Variants in BRD4 observed in about 807,000 individuals in gnomAD.
BRD4 encodes the protein bromodomain containing 4.
Under a neutral mutation model 142.1 loss-of-function variants are expected in BRD4, and 16 were observed. That is an observed-to-expected ratio of 0.11 (90% CI 0.08 to 0.17). The LOEUF is 0.17. Among genes scored for constraint, BRD4 ranks in the 10% least tolerant of loss-of-function variants. BRD4 has a pLI of 1.00. For missense variants in BRD4, 1,424 were observed against 1,810.9 expected, an observed-to-expected ratio of 0.79 and a Z score of 3.88; for synonymous variants, 833 against 707.5, an observed-to-expected ratio of 1.18 and a Z score of -2.82.
At chr19:15,308,770 CT>C (rs2047940110) in intron 1 of BRD4, among the ~76,000 whole-genome samples, 1 of 152,172 alleles carries the variant, frequency 6.6e-6, no homozygotes, top group African/African-American at 2.4e-5. Flanking sequence ...AATACCAGCA[CT>C]TTGGGAGGCC....
chr19:15,275,447 A>T (rs565282819), intron 1 of BRD4, among the ~76,000 whole-genome samples: 10 of 152,320 alleles, frequency 6.6e-5, no homozygotes, highest in African/African-American at 2.4e-4. Flanking sequence ...AAAACCTGGC[A>T]TCTGATTCCT....
intron 1 of BRD4, among the ~76,000 whole-genome samples, chr19:15,320,038 G>A (rs1031847999): frequency 3.9e-5 from 6 of 152,128 alleles, no homozygotes; most frequent in Non-Finnish European, 7.3e-5. Flanking sequence ...CTGGTACCTG[G>A]TCTTTAGAGT....
chr19:15,285,357 C>T (rs528780682), intron 1 of BRD4, among the ~76,000 whole-genome samples: 11 of 152,348 alleles, frequency 7.2e-5, no homozygotes, highest in African/African-American at 2.6e-4. Flanking sequence ...CCAGCCTGGG[C>T]AACATGGCAA....
chr19:15,236,904 G>A lies in BRD4; in HGVS notation c.*1473C>T, dbSNP rs1488268159. ...CCAAATGCATATTCACCGTATGAAAGTCAAACCAGTCAGTGACTCCAGAGT... is the reference window on the plus strand; with the variant it reads ...CCAAATGCATATTCACCGTATGAAAATCAAACCAGTCAGTGACTCCAGAGT... On this transcript the variant is annotated 3_prime_UTR_variant, in exon 20 of 20. Coordinates refer to ENST00000679869, the MANE Select transcript of BRD4 (RefSeq NM_001379291.1). 4 of 201,382 alleles carry A rather than the reference G, an allele frequency of 2.0e-5. No homozygotes were observed. The highest frequency in any genetic ancestry group is 9.2e-5 in the African/African-American group (4 of 43,260). The allele number at this position is 201,382 out of a possible 1,614,324, so 12.5% of individuals were successfully genotyped here.
intron 4 of BRD4, 32 bp downstream of exon 4, chr19:15,267,384 A>C: frequency 6.2e-7 from 1 of 1,608,222 alleles, no homozygotes; most frequent in Non-Finnish European, 8.5e-7. Flanking sequence ...GTCGGGGAGA[A>C]AGCCAATTTA....
intron 1 of BRD4, among the ~76,000 whole-genome samples, chr19:15,281,113 G>A (rs1015403489): frequency 1.3e-5 from 2 of 152,216 alleles, no homozygotes; most frequent in Admixed American, 6.5e-5. Context: ...TGAGAACAGC[G>A]CTCGTGTCAT....
intron 1 of BRD4, among the ~76,000 whole-genome samples, chr19:15,298,282 T>C (rs919687530): frequency 6.6e-6 from 1 of 152,264 alleles, no homozygotes; most frequent in African/African-American, 2.4e-5. Context: ...TGTACAGGAC[T>C]GTAGTTAACT....
chr19:15,249,297 A>C, intron 11 of BRD4: 1 of 1,614,006 alleles, frequency 6.2e-7, no homozygotes, highest in East Asian at 2.2e-5. Context: ...GGACCTACGT[A>C]GAGGGAGAGA....
chr19:15,239,693 C>T lies in BRD4; in HGVS notation c.3411G>A (p.Pro1137=), dbSNP rs761598463. ...PSLRPEPPKH[P]ESIKAPVHLP... is the part of the protein sequence containing the mutation. The stretch of plus-strand genomic sequence containing the variant: ...GGTGGACGGGGGCCTTGATGCTCTC[C>T]GGGTGCTTGGGGGGCTCCGGCCGCA... Residue 1137 remains proline (P), a synonymous_variant, in exon 16 of 20, where the codon CCG becomes CCA. Transcript: ENST00000679869. The surrounding 1 kb of genome is among the most constrained non-coding windows in gnomAD (Gnocchi z 7.4). The T allele has an allele frequency of 1.7e-5, 27 of 1,593,786 alleles. No individual in the cohort carries two copies. Among genetic ancestry groups the T allele is most frequent in the Middle Eastern group, 1.7e-4 (1 of 6,012 alleles).
intron 1 of BRD4, among the ~76,000 whole-genome samples, chr19:15,318,315 T>C (rs1023272518): frequency 6.6e-6 from 1 of 152,192 alleles, no homozygotes; most frequent in Non-Finnish European, 1.5e-5. Flanking sequence ...GAGTCTGTAA[T>C]AGGTGCTATT....
chr19:15,298,607 C>G (rs1184146991), intron 1 of BRD4, among the ~76,000 whole-genome samples: 1 of 100,046 alleles, frequency 1.0e-5, no homozygotes, highest in African/African-American at 4.2e-5. Context: ...GGCAACAGGG[C>G]GAGACTCCAA....
intron 1 of BRD4, among the ~76,000 whole-genome samples, chr19:15,273,446 C>T (rs1732185023): frequency 6.6e-6 from 1 of 152,244 alleles, no homozygotes; most frequent in Non-Finnish European, 1.5e-5. Flanking sequence ...AATGAAGCCA[C>T]GTCTCACAAA....
intron 1 of BRD4, among the ~76,000 whole-genome samples, chr19:15,286,771 A>C (rs890569349): frequency 1.2e-4 from 18 of 152,196 alleles, no homozygotes; most frequent in Non-Finnish European, 4.4e-5. Flanking sequence ...TCACTAACTA[A>C]ACTGAGCATC....
chr19:15,274,601 G>A (rs79069115), intron 1 of BRD4, among the ~76,000 whole-genome samples: 1 of 152,360 alleles, frequency 6.6e-6, no homozygotes, highest in East Asian at 1.9e-4. Flanking sequence ...CGGCCAGGGT[G>A]CAGAGCCAAG....
chr19:15,297,388 C>T (rs958339702), intron 1 of BRD4, among the ~76,000 whole-genome samples: 13 of 152,162 alleles, frequency 8.5e-5, no homozygotes, highest in Non-Finnish European at 1.6e-4. Flanking sequence ...TGCTCCCTAC[C>T]TTCCTGAATA....
chr19:15,268,852 C>T (rs753511227), intron 3 of BRD4, 53 bp downstream of exon 3: 47 of 1,601,424 alleles, frequency 2.9e-5, no homozygotes, highest in Middle Eastern at 1.8e-4. Context: ...CCACTGCCGT[C>T]GCCTCCCCTC....
At chr19:15,242,719 G>C (rs1305013832) in intron 14 of BRD4, among the ~76,000 whole-genome samples, 181 bp downstream of exon 14, 1 of 152,110 alleles carries the variant, frequency 6.6e-6, no homozygotes, top group Non-Finnish European at 1.5e-5. Flanking sequence ...AAGCAAGAGA[G>C]ACACCTGATA....
At chr19:15,260,694 A>C (rs1319631975) in intron 7 of BRD4, among the ~76,000 whole-genome samples, 2 of 152,004 alleles carry the variant, frequency 1.3e-5, no homozygotes, top group Admixed American at 6.6e-5. Context: ...CGTGTGTAGG[A>C]AGAAACTCTA....
Position 15,314,135 on chromosome 19 carries a change from T to C in BRD4, c.-35+18155A>G, listed in dbSNP as rs528758445. The stretch of plus-strand genomic sequence containing the variant: ...CAGCCTTGAGTATGTGCTTGAACTT[T>C]CGTTCGCACTTCACATTTTCCACAC... On this transcript the variant is annotated intron_variant, in intron 1 of 19. Transcript: ENST00000679869. 1.1e-4 allele frequency among the ~76,000 whole-genome samples: 16 copies of C among 152,334 alleles called. No homozygotes were observed. In the East Asian group the frequency reaches 2.5e-3, roughly 24 times the overall value.
Sources: gnomAD v4.1 joint callset for allele counts (sites outside exome capture counted in the v4.1 genomes callset) on GRCh38, gnomAD v4.1.1 for gene constraint, Gnocchi (gnomAD v3.1) non-coding constraint, MANE v1.5 for transcripts, NCBI Gene and HGNC (gene_info 2026-07-23, HGNC 2026-07-21) for gene names.